The following PRKG2 variants were observed in gnomAD, a reference collection of about 807,000 sequenced individuals.
PRKG2 encodes the protein cGMP-dependent protein kinase 2.
PRKG2 carries 33 observed loss-of-function variants against 97.2 expected under a neutral mutation model. The ratio of observed to expected loss-of-function variants is 0.34; its 90% CI spans 0.26 to 0.45. PRKG2 has a LOEUF of 0.45. Ranked by LOEUF, PRKG2 falls within the 20% of genes least tolerant of loss-of-function variation. The pLI, the probability that PRKG2 is intolerant of heterozygous loss-of-function variation, is 1.00. For synonymous variants in PRKG2, 330 were observed against 321.8 expected (o/e 1.03, Z -0.27); for missense variants, 638 against 900.0 (o/e 0.71, Z 3.73).
At chr4:81,189,253 T>C (rs1231705059) in intron 2 of PRKG2, among the ~76,000 whole-genome samples, 1 of 128,202 alleles carries the variant, frequency 7.8e-6, no homozygotes, top group African/African-American at 4.4e-5. Flanking sequence ...TAAAATGTCG[T>C]TTCTGTATGT....
intron 3 of PRKG2, among the ~76,000 whole-genome samples, chr4:81,172,663 A>C (rs1370785428): frequency 1.3e-5 from 2 of 152,112 alleles, no homozygotes; most frequent in Non-Finnish European, 2.9e-5. Flanking sequence ...AACCAACTAA[A>C]AGCATAAGCA....
intron 8 of PRKG2, among the ~76,000 whole-genome samples, chr4:81,150,621 C>CAATT (rs1038511527): frequency 6.6e-6 from 1 of 151,966 alleles, no homozygotes; most frequent in African/African-American, 2.4e-5. Context: ...ATTGGCTAGC[C>CAATT]ACAACATATA....
chr4:81,211,969 A>G (rs1484559918), intron 1 of PRKG2, among the ~76,000 whole-genome samples: 2 of 146,450 alleles, frequency 1.4e-5, no homozygotes, highest in Non-Finnish European at 3.1e-5. Context: ...TGATGTTACC[A>G]TTAGCTTGTC....
chr4:81,167,306 C>T (rs1750070870), intron 5 of PRKG2, 82 bp from the exon 6 acceptor site: 2 of 872,272 alleles, frequency 2.3e-6, no homozygotes, highest in Admixed American at 3.3e-5. Flanking sequence ...AAAATCTTTA[C>T]ATACATTTTA....
At chr4:81,206,437 G>T (rs1324429722) in intron 1 of PRKG2, among the ~76,000 whole-genome samples, 3 of 152,122 alleles carry the variant, frequency 2.0e-5, no homozygotes, top group African/African-American at 7.2e-5. Context: ...AGGGGAGTTT[G>T]CCTTTGCTTT....
chr4:81,168,487 T>G (rs1477467179), intron 5 of PRKG2, among the ~76,000 whole-genome samples: 1 of 152,138 alleles, frequency 6.6e-6, no homozygotes, highest in Admixed American at 6.6e-5. Context: ...ACGTTTTATC[T>G]CAGACATTCA....
intron 9 of PRKG2, among the ~76,000 whole-genome samples, chr4:81,145,662 T>G (rs1747789637): frequency 6.6e-6 from 1 of 152,182 alleles, no homozygotes; most frequent in African/African-American, 2.4e-5. Context: ...TCAACTTTCT[T>G]GATTACTTCC....
At chr4:81,199,698 T>A (rs1222935685) in intron 2 of PRKG2, among the ~76,000 whole-genome samples, 1 of 152,236 alleles carries the variant, frequency 6.6e-6, no homozygotes, top group Non-Finnish European at 1.5e-5. Context: ...GAAACATTCC[T>A]CTTCAATAAA....
intron 16 of PRKG2, among the ~76,000 whole-genome samples, 180 bp from the exon 17 acceptor site, chr4:81,104,612 G>T (rs904410584): frequency 2.0e-5 from 3 of 151,918 alleles, no homozygotes; most frequent in African/African-American, 7.3e-5. Context: ...GAGGTGAAAA[G>T]ACACGACCTC....
intron 1 of PRKG2, among the ~76,000 whole-genome samples, chr4:81,206,113 G>A (rs1263915110): frequency 1.3e-5 from 2 of 152,214 alleles, no homozygotes; most frequent in Non-Finnish European, 2.9e-5. Flanking sequence ...CAGATAATAA[G>A]CACACACGAG....
At chr4:81,144,958 C>T (rs1293888595) in intron 9 of PRKG2, among the ~76,000 whole-genome samples, 12 of 151,938 alleles carry the variant, frequency 7.9e-5, no homozygotes, top group East Asian at 5.8e-4. Context: ...TATGGCTGCA[C>T]AGTATTCCGT....
intron 1 of PRKG2, among the ~76,000 whole-genome samples, chr4:81,206,687 T>G (rs1196845555): frequency 1.3e-5 from 2 of 152,168 alleles, no homozygotes; most frequent in Admixed American, 6.5e-5. Context: ...AACCCACACA[T>G]CTGCCCCTCT....
chr4:81,157,533 C>T (rs980983567), intron 6 of PRKG2, among the ~76,000 whole-genome samples: 1 of 152,170 alleles, frequency 6.6e-6, no homozygotes, highest in Non-Finnish European at 1.5e-5. Context: ...CCTTCTGAAA[C>T]TATTCCAGTC....
At chr4:81,204,504 C>A in intron 2 of PRKG2, 83 bp downstream of exon 2, 1 of 1,378,642 alleles carries the variant, frequency 7.3e-7, no homozygotes, top group Non-Finnish European at 1.0e-6. Context: ...TGTTCTTTAT[C>A]ATTAAGGAGG....
intron 2 of PRKG2, among the ~76,000 whole-genome samples, chr4:81,191,693 T>C (rs1752533985): frequency 6.6e-6 from 1 of 152,134 alleles, no homozygotes; most frequent in African/African-American, 2.4e-5. Flanking sequence ...TACAGAGCTA[T>C]GGGAGATAAA....
chr4:81,104,035 A>AAAACAAACAAAC (rs71664829), intron 17 of PRKG2, among the ~76,000 whole-genome samples: 25 of 151,858 alleles, frequency 1.6e-4, no homozygotes, highest in African/African-American at 5.6e-4. Context: ...TGTCATAAGA[A>AAAACAAACAAAC]AAACAAACAA....
chr4:81,106,347 C>T (rs555904960), intron 15 of PRKG2, among the ~76,000 whole-genome samples: 1 of 152,272 alleles, frequency 6.6e-6, no homozygotes, highest in East Asian at 1.9e-4. Context: ...ACAGGAAGCA[C>T]AAAGGCCATG....
chr4:81,187,209 T>G (rs905951424), intron 2 of PRKG2, among the ~76,000 whole-genome samples: 5 of 152,120 alleles, frequency 3.3e-5, no homozygotes, highest in African/African-American at 1.2e-4. Flanking sequence ...CAATGAACAT[T>G]GATGCAAAAA....
At chr4:81,159,964 TG>T (rs1378815050) in intron 6 of PRKG2, among the ~76,000 whole-genome samples, 80 of 68,454 alleles carry the variant, frequency 1.2e-3, no homozygotes, top group Non-Finnish European at 1.7e-3. Flanking sequence ...CATTGTGGGG[TG>T]GGGGGAGGGG....
Sources: gnomAD v4.1 joint callset for allele counts (sites outside exome capture counted in the v4.1 genomes callset) on GRCh38, gnomAD v4.1.1 for gene constraint, MANE v1.5 for transcripts, NCBI Gene and HGNC (gene_info 2026-07-23, HGNC 2026-07-21) for gene names.